The following OTOG variants were observed in gnomAD, a reference collection of about 807,000 sequenced individuals.
OTOG encodes otogelin.
A neutral mutation model predicts 313.8 loss-of-function variants in OTOG; 296 were observed. The ratio of observed to expected loss-of-function variants is 0.94; its 90% CI spans 0.86 to 1.04. The LOEUF (loss-of-function observed/expected upper bound fraction) is 1.04. Among genes scored for constraint, OTOG ranks in the 50% least tolerant of loss-of-function variants. OTOG has a pLI of 0.00. For missense variants in OTOG, 3,948 were observed against 3,840.1 expected (o/e 1.03, Z -0.74); for synonymous variants, 1,533 against 1,554.9 (o/e 0.99, Z 0.33).
chr11:17,597,773 A>C (rs1853150436), intron 30 of OTOG, among the ~76,000 whole-genome samples: 1 of 152,184 alleles, frequency 6.6e-6, no homozygotes, highest in East Asian at 1.9e-4. Context: ...TCGTGCAAGC[A>C]CCTCACCTTG....
intron 3 of OTOG, among the ~76,000 whole-genome samples, chr11:17,550,011 TTGTTGTAGACAGGGG>T (rs1851900075): frequency 6.6e-6 from 1 of 152,202 alleles, no homozygotes; most frequent in Non-Finnish European, 1.5e-5. Flanking sequence ...TTCTAGAGAA[TTGTTGTAGACAGGGG>T]TCCATGGATG....
rs1270763145 is a variant in OTOG, at chr11:17,555,915, C to T, written c.659+18C>T. The T allele has an allele frequency of 1.3e-6, 2 of 1,526,158 alleles. No homozygotes were observed. The highest frequency in any genetic ancestry group is 2.4e-5 in the South Asian group (2 of 83,568). 94.5% of individuals were successfully genotyped at this position (1,526,158 alleles called of 1,614,324 possible). A position where few individuals can be genotyped will look rare whatever the true frequency, so the allele number is the denominator to read the frequency against. On this transcript the variant is annotated intron_variant, in intron 7 of 55. Transcript: ENST00000399397. Reference sequence around the variant, plus strand: ...GGCATGAGGTAACTCTAACACCTTCCACATCGAGCTGTCCTATCCCTGACA... The same window carrying T: ...GGCATGAGGTAACTCTAACACCTTCTACATCGAGCTGTCCTATCCCTGACA...
Position 17,572,131 on chromosome 11 carries a change from G to A in OTOG, c.2007G>A (p.Trp669Ter), listed in dbSNP as rs1441596248. 2.6e-6 allele frequency: 4 copies of A among 1,550,468 alleles called. No homozygotes were observed. The highest frequency in any genetic ancestry group is 3.9e-5 in the Admixed American group (2 of 50,992). Reference protein sequence around the residue: ...ESTPQLFGNSWKTLSACSPLV... With the variant: ...ESTPQLFGNS ...CCCCACAACTTTTTGGCAATTCCTG[G>A]AAAACACTTTCTGCTTGCTCCCCGC... is the stretch of plus-strand genomic sequence containing the variant. Residue 669 changes from tryptophan (W) to a stop codon, truncating the protein, a stop_gained, in exon 18 of 56, where the codon TGG (tryptophan) becomes TGA (stop). Transcript: ENST00000399397. LOFTEE classifies it high-confidence loss of function.
At chr11:17,558,145 C>T (rs1852094742) in intron 8 of OTOG, 40 bp from the exon 9 acceptor site, 4 of 1,548,828 alleles carry the variant, frequency 2.6e-6, no homozygotes, top group African/African-American at 2.7e-5. Context: ...TCCACCCAAC[C>T]CCATCGCTGC....
chr11:17,623,113 T>C (rs1853904380), intron 39 of OTOG, among the ~76,000 whole-genome samples: 2 of 152,238 alleles, frequency 1.3e-5, no homozygotes, highest in African/African-American at 2.4e-5. Context: ...CATTTTCATA[T>C]GCCTGTTTGC....
intron 34 of OTOG, among the ~76,000 whole-genome samples, chr11:17,608,779 C>T (rs1488705226): frequency 6.6e-6 from 1 of 152,124 alleles, no homozygotes; most frequent in Non-Finnish European, 1.5e-5. Flanking sequence ...TTTTGGAGTC[C>T]TGCAGGGTTG....
intron 24 of OTOG, among the ~76,000 whole-genome samples, chr11:17,588,067 G>T (rs1278050133): frequency 6.6e-6 from 1 of 152,210 alleles, no homozygotes; most frequent in Non-Finnish European, 1.5e-5. Flanking sequence ...CAAGGCCGAA[G>T]AGCTGGGATT....
Position 17,605,855 on chromosome 11 carries a change from A to G in OTOG, c.3878-2A>G, listed in dbSNP as rs1467294403. ...TGACTCTCCCCATGTGGTTCTCTGC[A>G]GACCCAGATGTGGTGTCCCTGGAGG... On this transcript the variant is annotated splice_acceptor_variant, in intron 32 of 55. Transcript: ENST00000399397. LOFTEE classifies it high-confidence loss of function. 1.3e-6 allele frequency: 2 copies of G among 1,537,326 alleles called. No homozygotes were observed. Among genetic ancestry groups the G allele is most frequent in the Admixed American group, 4.0e-5 (2 of 50,570 alleles).
At chr11:17,594,009 A>T in intron 27 of OTOG, 38 bp from the exon 28 acceptor site, 2 of 1,550,198 alleles carry the variant, frequency 1.3e-6, no homozygotes, top group South Asian at 1.2e-5. Flanking sequence ...CACCTCTGGC[A>T]GGCCTGCAAC....
intron 14 of OTOG, 62 bp from the exon 15 acceptor site, chr11:17,561,600 T>A: frequency 2.6e-6 from 4 of 1,526,574 alleles, no homozygotes; most frequent in Non-Finnish European, 3.6e-6. Context: ...TACTTGGAGC[T>A]TGCAGGGCAG....
At position 17,570,307 on chromosome 11, in the gene OTOG, G is replaced by A; in HGVS notation, c.1872G>A (p.Leu624=). 1 of 1,550,764 alleles carries A rather than the reference G, an allele frequency of 6.4e-7. No homozygotes were observed. ...RVLYDREGLR[L]YLQVDQRWVE... ...TCTACGACCGTGAAGGGCTCCGACT[G>A]TACCTGCAAGTGGACCAGCGATGGG... The change falls in exon 17 of 56, where the codon CTG becomes CTA. Residue 624 remains leucine, a synonymous_variant. Transcript: ENST00000399397.
intron 43 of OTOG, 85 bp from the exon 44 acceptor site, chr11:17,633,984 G>A (rs1854197169): frequency 2.0e-6 from 3 of 1,484,906 alleles, no homozygotes; most frequent in Non-Finnish European, 2.7e-6. Flanking sequence ...GCTTAGGGGT[G>A]GCCAGTAAAC....
intron 27 of OTOG, 23 bp downstream of exon 27, chr11:17,593,779 TCTG>T: frequency 6.5e-7 from 1 of 1,544,496 alleles, no homozygotes; most frequent in Non-Finnish European, 8.7e-7. Flanking sequence ...GCAGTGACAT[TCTG>T]CTCCTGCCTG....
intron 23 of OTOG, among the ~76,000 whole-genome samples, chr11:17,583,214 A>T (rs1349118002): frequency 6.6e-6 from 1 of 152,128 alleles, no homozygotes; most frequent in Non-Finnish European, 1.5e-5. Flanking sequence ...GGCTCACAGC[A>T]GCCTTGAACT....
chr11:17,567,739 C>T (rs573215512), intron 15 of OTOG, among the ~76,000 whole-genome samples: 1 of 152,276 alleles, frequency 6.6e-6, no homozygotes, highest in South Asian at 2.1e-4. Context: ...TGTAACAGAG[C>T]TTTTGTACAA....
chr11:17,580,585 G>C (rs2134040111), intron 23 of OTOG, among the ~76,000 whole-genome samples: 1 of 152,360 alleles, frequency 6.6e-6, no homozygotes, highest in South Asian at 2.1e-4. Context: ...AGACAGGTCT[G>C]CTAAGAGCAA....
At position 17,576,592 on chromosome 11, in the gene OTOG, T is replaced by TC; in HGVS notation, c.2529dup (p.Gly844ArgfsTer4). 6.4e-7 allele frequency: 1 copy of TC among 1,550,432 alleles called. No individual in the cohort carries two copies. On this transcript the variant is annotated frameshift_variant, in exon 21 of 56. Coordinates refer to ENST00000399397, the MANE Select transcript of OTOG (RefSeq NM_001292063.2). LOFTEE classifies it high-confidence loss of function. The stretch of plus-strand genomic sequence containing the variant: ...CCTGCCACTTCCAGGGAGTGGACTA[T>TC]CCCCCCGGAGACAGTGACATCCCAT...
At position 17,611,300 on chromosome 11, in the gene OTOG, A is replaced by G; in HGVS notation, c.6000A>G (p.Ala2000=). The stretch of plus-strand genomic sequence containing the variant: ...CCTCGGCAGGGCCTCACCTGGCAGC[A>G]GAGCCGGTGGACGAGGCCACCACAG... The part of the protein sequence containing the change: ...HGTSAGPHLA[A]EPVDEATTEP... The change falls in exon 36 of 56, where the codon GCA becomes GCG. Residue 2000 remains alanine (A), a synonymous_variant. Transcript: ENST00000399397. 1.9e-6 allele frequency: 3 copies of G among 1,550,576 alleles called. No individual in the cohort carries two copies. The highest frequency in any genetic ancestry group is 2.6e-6 in the Non-Finnish European group (3 of 1,147,008).
chr11:17,608,962 A>G (rs1381131566), intron 34 of OTOG, among the ~76,000 whole-genome samples, 168 bp from the exon 35 acceptor site: 1 of 152,168 alleles, frequency 6.6e-6, no homozygotes, highest in African/African-American at 2.4e-5. Flanking sequence ...GCTCCTGTAC[A>G]TGTGTGACAG....
Sources: gnomAD v4.1 joint callset for allele counts (sites outside exome capture counted in the v4.1 genomes callset) on GRCh38, gnomAD v4.1.1 for gene constraint, MANE v1.5 for transcripts, NCBI Gene and HGNC (gene_info 2026-07-23, HGNC 2026-07-21) for gene names.